SLC11A2: variants seen among roughly 807,000 people sequenced by gnomAD.
SLC11A2 encodes the protein solute carrier family 11 member 2.
In SLC11A2, 38 loss-of-function variants were observed where a neutral mutation model predicts 68.0. That is an observed-to-expected ratio of 0.56 (90% CI 0.43 to 0.73). The LOEUF (loss-of-function observed/expected upper bound fraction) is 0.73, where lower values mean the gene tolerates loss of function less well. Among genes scored for constraint, SLC11A2 ranks in the 30% least tolerant of loss-of-function variants. The pLI, the probability that SLC11A2 is intolerant of heterozygous loss-of-function variation, is 0.00. For missense variants in SLC11A2, 517 were observed against 690.5 expected (o/e 0.75, Z 2.82); for synonymous variants, 242 against 250.6 (o/e 0.97, Z 0.32).
Position 50,987,271 on chromosome 12 carries a change from G to A in SLC11A2, c.*1054C>T, listed in dbSNP as rs190239649. On this transcript the variant is annotated 3_prime_UTR_variant, in exon 16 of 16. Transcript: ENST00000262052. ...CACCTACTGACTTGCAGAGAACGCT[G>A]AGAAAGACAGTGTGCTTTGCAACGG... 2.5e-5 allele frequency: 32 copies of A among 1,287,206 alleles called. No individual in the cohort carries two copies. In the East Asian group the frequency reaches 1.7e-3, roughly 67 times the overall value. The allele number at this position is 1,287,206 out of a possible 1,614,324, so 79.7% of individuals were successfully genotyped here.
intron 7 of SLC11A2, 45 bp downstream of exon 7, chr12:50,999,300 G>T: frequency 6.2e-7 from 1 of 1,606,836 alleles, no homozygotes; most frequent in South Asian, 1.1e-5. Context: ...TCTGCCACAT[G>T]ACAGAGAGCA....
chr12:50,991,203 A>G (rs1941116032), intron 14 of SLC11A2, among the ~76,000 whole-genome samples: 1 of 152,246 alleles, frequency 6.6e-6, no homozygotes, highest in African/African-American at 2.4e-5. Context: ...CAAGGCCTAG[A>G]AACGCAATGA....
intron 3 of SLC11A2, chr12:51,005,755 G>C: frequency 1.6e-6 from 2 of 1,216,256 alleles, no homozygotes; most frequent in Non-Finnish European, 2.2e-6. Flanking sequence ...ATTTTAAAAA[G>C]GAAACAAGCC....
chr12:51,025,863 C>A, intron 1 of SLC11A2: 1 of 988,358 alleles, frequency 1.0e-6, no homozygotes, highest in Non-Finnish European at 1.2e-6. Context: ...TGAAGCGGGG[C>A]GGCGGGAGGC....
At position 50,988,145 on chromosome 12, in the gene SLC11A2, T is replaced by C. The variant is rs1163064457; in HGVS notation, c.*180A>G. The C allele has an allele frequency of 2.6e-6, 4 of 1,512,388 alleles. No homozygotes were observed. Among genetic ancestry groups the C allele is most frequent in the Non-Finnish European group, 3.5e-6 (4 of 1,131,932 alleles). The allele number at this position is 1,512,388 out of a possible 1,614,324, so 93.7% of individuals were successfully genotyped here. ...ACCCTAATCCAGTTCTAAGGTTAGG[T>C]CAGGAAGGAAAAAATAATTCCATCT... On this transcript the variant is annotated 3_prime_UTR_variant, in exon 16 of 16. Coordinates refer to ENST00000262052, the MANE Select transcript of SLC11A2 (RefSeq NM_000617.3).
At chr12:51,006,978 G>A (rs963536249) in intron 3 of SLC11A2, among the ~76,000 whole-genome samples, 1 of 151,992 alleles carries the variant, frequency 6.6e-6, no homozygotes, top group Non-Finnish European at 1.5e-5. Context: ...GAACTCCTGG[G>A]CTCAAGCGAT....
chr12:50,972,579 G>A, the SLC11A2 span, among the ~76,000 whole-genome samples: 3 of 152,156 alleles, frequency 2.0e-5, no homozygotes, highest in Non-Finnish European at 2.9e-5. Flanking sequence ...ACAGAAGATG[G>A]GTGATTTCTC....
chr12:51,020,786 T>G (rs1943990590), intron 1 of SLC11A2, among the ~76,000 whole-genome samples: 1 of 152,190 alleles, frequency 6.6e-6, no homozygotes, highest in Admixed American at 6.5e-5. Context: ...ACAGAACAAT[T>G]ATTTACATAG....
downstream of SLC11A2, among the ~76,000 whole-genome samples, chr12:50,982,705 A>T (rs1940146529): frequency 6.6e-6 from 1 of 152,210 alleles, no homozygotes; most frequent in South Asian, 2.1e-4. Flanking sequence ...GCACTGTGGG[A>T]GGCCGAGGCG....
the SLC11A2 span, among the ~76,000 whole-genome samples, chr12:50,971,212 C>A: frequency 6.6e-6 from 1 of 152,052 alleles, no homozygotes; most frequent in East Asian, 1.9e-4. Context: ...AAATGTGACA[C>A]CCTATCCATG....
the SLC11A2 span, chr12:50,961,182 T>G: frequency 1.4e-6 from 2 of 1,408,410 alleles, no homozygotes; most frequent in Non-Finnish European, 9.8e-7. Flanking sequence ...TAGTAGAAGA[T>G]GAATGTTGGG....
chr12:50,988,484 T>C (rs376420089), intron 15 of SLC11A2, 49 bp from the exon 16 acceptor site: 11 of 1,612,232 alleles, frequency 6.8e-6, no homozygotes, highest in Non-Finnish European at 8.5e-6. Context: ...TGAAGAGCCA[T>C]GACTGCTCAC....
chr12:51,005,028 G>T, intron 4 of SLC11A2, 121 bp from the exon 5 acceptor site: 2 of 1,202,854 alleles, frequency 1.7e-6, no homozygotes, highest in Non-Finnish European at 2.4e-6. Flanking sequence ...CCCAGGTCAA[G>T]AATCAAATGA....
chr12:51,001,594 AAAAAAAAAG>A (rs2136252156), intron 5 of SLC11A2, among the ~76,000 whole-genome samples: 1 of 148,944 alleles, frequency 6.7e-6, no homozygotes, highest in African/African-American at 2.4e-5. Flanking sequence ...ACAAAAAAAA[AAAAAAAAAG>A]AAAGAAAGAA....
downstream of SLC11A2, among the ~76,000 whole-genome samples, chr12:50,977,347 C>A (rs1939861454): frequency 6.6e-6 from 1 of 152,200 alleles, no homozygotes; most frequent in Admixed American, 6.5e-5. Flanking sequence ...TACCACACAT[C>A]TACAACCATC....
At chr12:50,974,300 ACT>A in the SLC11A2 span, among the ~76,000 whole-genome samples, 2 of 152,224 alleles carry the variant, frequency 1.3e-5, no homozygotes, top group Non-Finnish European at 2.9e-5. Context: ...CTTGGCAGAA[ACT>A]CTACAAGCCA....
chr12:51,004,471 A>G (rs1290434381), intron 5 of SLC11A2, among the ~76,000 whole-genome samples: 5 of 152,260 alleles, frequency 3.3e-5, no homozygotes, highest in Non-Finnish European at 7.3e-5. Flanking sequence ...AGGTATGAAT[A>G]AAAGTGCTTA....
intron 1 of SLC11A2, chr12:51,025,705 G>A (rs1944334894): frequency 1.0e-6 from 1 of 964,590 alleles, no homozygotes; most frequent in Admixed American, 6.1e-5. Context: ...GAAAAACCCT[G>A]CTCATTGGAG....
chr12:50,997,950 G>A (rs1321833836), intron 8 of SLC11A2, among the ~76,000 whole-genome samples: 1 of 149,092 alleles, frequency 6.7e-6, no homozygotes, highest in Non-Finnish European at 1.5e-5. Flanking sequence ...TCGCACCACT[G>A]CACTCCAGCC....
Sources: allele counts gnomAD v4.1 joint callset (sites outside exome capture counted in the v4.1 genomes callset), GRCh38; gene constraint gnomAD v4.1.1; transcripts MANE v1.5; gene names NCBI Gene and HGNC (gene_info 2026-07-23, HGNC 2026-07-21).